The following AK6 variants were observed in gnomAD, a reference collection of about 807,000 sequenced individuals.
AK6 encodes adenylate kinase 6.
A neutral mutation model predicts 23.7 loss-of-function variants in AK6; 24 were observed. The ratio of observed to expected loss-of-function variants is 1.01; its 90% CI spans 0.73 to 1.43. The LOEUF (loss-of-function observed/expected upper bound fraction) is 1.43. AK6 is among the 40% of genes most tolerant of loss of function. The pLI is 0.00. For missense variants in AK6, 191 were observed against 199.1 expected (o/e 0.96, Z 0.24); for synonymous variants, 73 against 69.8 (o/e 1.05, Z -0.23).
rs546962523 is a variant in AK6, at chr5:69,362,665, T to G, written c.121+3838A>C. On this transcript the variant is annotated intron_variant, in intron 2 of 4. Coordinates refer to ENST00000380822, the MANE Select transcript of AK6 (RefSeq NM_016283.5). The stretch of plus-strand genomic sequence containing the variant: ...GGGGAGGTTGAAGCAGGAGATCACT[T>G]GAGCCCGGGAGGCTGGGGTTGCAGT... 2.6e-5 allele frequency among the ~76,000 whole-genome samples: 4 copies of G among 152,120 alleles called. No individual in the cohort carries two copies. In the East Asian group the frequency reaches 7.7e-4, roughly 29 times the overall value.
chr5:69,365,737 T>A, intron 2 of AK6: 1 of 1,532,376 alleles, frequency 6.5e-7, no homozygotes, highest in Non-Finnish European at 8.8e-7. Flanking sequence ...CCAGACTCCA[T>A]GATATCCGAT....
intron 3 of AK6, 43 bp downstream of exon 3, chr5:69,355,852 T>C (rs879194178): frequency 2.5e-6 from 4 of 1,598,780 alleles, no homozygotes; most frequent in Non-Finnish European, 3.4e-6. Flanking sequence ...AACTTTCCTA[T>C]GAAATTCAAC....
chr5:69,362,807 C>G (rs1206227029), intron 2 of AK6, among the ~76,000 whole-genome samples: 1 of 152,044 alleles, frequency 6.6e-6, no homozygotes, highest in Non-Finnish European at 1.5e-5. Flanking sequence ...CAAGTCAGAC[C>G]AGAAATCTTT....
At chr5:69,364,763 T>C in intron 2 of AK6, 1 of 692,664 alleles carries the variant, frequency 1.4e-6, no homozygotes, top group East Asian at 2.5e-5. Flanking sequence ...GACAACTTTA[T>C]TTTTCTTACA....
At position 69,365,677 on chromosome 5, in the gene AK6, G is replaced by A. The variant is rs757182508; in HGVS notation, c.121+826C>T. On this transcript the variant is annotated intron_variant, in intron 2 of 4. Transcript: ENST00000380822. ...GTAATCCCCATATCCTTCAGGATTT[G>A]TGCCATCATCTGTGCATCTTTCGGC... 6 of 1,604,878 alleles carry A rather than the reference G, an allele frequency of 3.7e-6. No homozygotes were observed. The African/African-American group carries it at 8.0e-5, about 21-fold the overall frequency.
intron 2 of AK6, among the ~76,000 whole-genome samples, chr5:69,363,077 A>G (rs921237503): frequency 1.3e-5 from 2 of 152,100 alleles, no homozygotes; most frequent in Non-Finnish European, 2.9e-5. Flanking sequence ...AATAATTTTA[A>G]GTTAGCCCGG....
chr5:69,357,722 ATATT>A (rs1762118710), intron 2 of AK6, among the ~76,000 whole-genome samples: 2 of 152,248 alleles, frequency 1.3e-5, no homozygotes, highest in Middle Eastern at 3.4e-3. Context: ...AAATGAGTCT[ATATT>A]TATGCCTGTT....
At position 69,369,451 on chromosome 5, in the gene AK6, G is replaced by A. The variant is rs751283583; in HGVS notation, c.28+12C>T. Reference sequence around the variant, plus strand: ...TGCCCCAGCCCAGTCCCTCCCGGCCGCGCGCCCTGACCGGTGAGCAGGATG... The same window carrying A: ...TGCCCCAGCCCAGTCCCTCCCGGCCACGCGCCCTGACCGGTGAGCAGGATG... On this transcript the variant is annotated intron_variant, in intron 1 of 4. Transcript: ENST00000380822. The A allele has an allele frequency of 1.2e-6, 2 of 1,609,612 alleles. No homozygotes were observed. Among genetic ancestry groups the A allele is most frequent in the Non-Finnish European group, 8.5e-7 (1 of 1,178,830 alleles).
chr5:69,352,237 T>G lies in AK6; in HGVS notation c.343A>C (p.Lys115Gln). The G allele has an allele frequency of 6.2e-7, 1 of 1,613,310 alleles. No homozygotes were observed. Among genetic ancestry groups the G allele is most frequent in the Non-Finnish European group, 8.5e-7 (1 of 1,179,606 alleles). The change falls in exon 5 of 5, where the codon AAA becomes CAA. Residue 115 changes from lysine to glutamine, a missense_variant. By Grantham distance (53) the Lys-to-Gln change is moderately conservative. Transcript: ENST00000380822. ...TCACACTGAATATTGTCTGTTAGTT[T>G]CTTCTCATTATAACCCCTAGAAGGC... ...RLETRGYNEK[K>Q]LTDNIQCEIF...
At chr5:69,365,049 A>C (rs751091613) in intron 2 of AK6, 1 of 1,614,064 alleles carries the variant, frequency 6.2e-7, no homozygotes, top group South Asian at 1.1e-5. Flanking sequence ...TGATGACATC[A>C]TATTAGTGGT....
intron 2 of AK6, among the ~76,000 whole-genome samples, chr5:69,361,446 C>CTT (rs200519136): frequency 6.8e-6 from 1 of 146,822 alleles, no homozygotes; most frequent in South Asian, 2.2e-4. Context: ...TAATAGTTTT[C>CTT]TTTTTTTTTT....
intron 2 of AK6, chr5:69,364,744 C>T (rs987012351): frequency 1.4e-5 from 9 of 661,998 alleles, no homozygotes; most frequent in East Asian, 1.3e-4. Context: ...CACCAACAAT[C>T]GAATGAATGA....
chr5:69,365,255 T>G (rs755421640), intron 2 of AK6: 1 of 1,614,194 alleles, frequency 6.2e-7, no homozygotes, highest in Non-Finnish European at 8.5e-7. Flanking sequence ...GTGTGCCTAG[T>G]GTGGGAGTAC....
chr5:69,369,233 C>CCCGG (rs112181274), intron 1 of AK6: 2 of 111,248 alleles, frequency 1.8e-5, no homozygotes, highest in Non-Finnish European at 4.2e-5. Flanking sequence ...TCCACCCCCC[C>CCCGG]CCGCCCCCCC....
At chr5:69,363,676 T>C (rs1580315709) in intron 2 of AK6, among the ~76,000 whole-genome samples, 1 of 151,292 alleles carries the variant, frequency 6.6e-6, no homozygotes, top group Admixed American at 6.6e-5. Flanking sequence ...CCCAGCTACT[T>C]GGGAGGCTGA....
At chr5:69,364,673 A>G in intron 2 of AK6, 4 of 541,570 alleles carry the variant, frequency 7.4e-6, no homozygotes, top group Non-Finnish European at 9.8e-6. Context: ...GCAACTGCCA[A>G]CTGTTACTCC....
rs1431462363 is a variant in AK6, at chr5:69,351,258, C to T, written c.*803G>A. ...TGCCCAGGCTGGTCTTGAACTCCTG[C>T]CTCAAGCGATTCTCCACCTCAGCCT... On this transcript the variant is annotated 3_prime_UTR_variant, in exon 5 of 5. Transcript: ENST00000380822. The T allele has an allele frequency of 6.8e-6, 1 of 147,954 alleles. No individual in the cohort carries two copies. The highest frequency in any genetic ancestry group is 2.7e-5 in the African/African-American group (1 of 37,494). The allele number at this position is 147,954 out of a possible 1,614,324, so 9.2% of individuals were successfully genotyped here.
chr5:69,367,255 G>A (rs1353641612), intron 1 of AK6, among the ~76,000 whole-genome samples: 1 of 151,522 alleles, frequency 6.6e-6, no homozygotes, highest in Non-Finnish European at 1.5e-5. Context: ...GCTCATGCCT[G>A]TAATCACCGC....
intron 2 of AK6, among the ~76,000 whole-genome samples, chr5:69,359,808 A>G (rs1762181344): frequency 6.6e-6 from 1 of 152,216 alleles, no homozygotes; most frequent in Non-Finnish European, 1.5e-5. Context: ...ATAACTCTAA[A>G]GCAATTAGAA....
Sources: gnomAD v4.1 joint callset for allele counts (sites outside exome capture counted in the v4.1 genomes callset) on GRCh38, gnomAD v4.1.1 for gene constraint, MANE v1.5 for transcripts, NCBI Gene and HGNC (gene_info 2026-07-23, HGNC 2026-07-21) for gene names.